Variants in RSRC1 observed in about 807,000 individuals in gnomAD.
RSRC1 encodes the protein arginine and serine rich coiled-coil 1.
In RSRC1, 39 loss-of-function variants were observed where a neutral mutation model predicts 49.1. That is an observed-to-expected ratio of 0.79 (90% CI 0.61 to 1.04). RSRC1 has a LOEUF of 1.04. RSRC1 is among the 50% of genes least tolerant of loss of function. The probability of loss-of-function intolerance (pLI) is 0.00; values close to 1 mark genes in which losing one functional copy is unlikely to be tolerated. For synonymous variants in RSRC1, 143 were observed against 130.8 expected, an observed-to-expected ratio of 1.09 and a Z score of -0.63; for missense variants, 388 against 402.4, an observed-to-expected ratio of 0.96 and a Z score of 0.31.
At chr3:158,207,897 T>C (rs1023092783) in intron 4 of RSRC1, among the ~76,000 whole-genome samples, 1 of 152,158 alleles carries the variant, frequency 6.6e-6, no homozygotes, top group African/African-American at 2.4e-5. Flanking sequence ...GAAAAACCCT[T>C]TTTAAATAAC....
intron 4 of RSRC1, among the ~76,000 whole-genome samples, chr3:158,214,813 A>G (rs1721866833): frequency 6.6e-6 from 1 of 151,792 alleles, no homozygotes; most frequent in South Asian, 2.1e-4. Context: ...AGCTCTTATA[A>G]ATTAGTTAAG....
At chr3:158,333,145 T>A (rs1729657009) in intron 5 of RSRC1, among the ~76,000 whole-genome samples, 1 of 152,150 alleles carries the variant, frequency 6.6e-6, no homozygotes, top group Non-Finnish European at 1.5e-5. Context: ...ATTTTTTGTA[T>A]TTTTAGTAGA....
At position 158,520,794 on chromosome 3, in the gene RSRC1, T is replaced by A. The variant is rs1187636639; in HGVS notation, c.653-16298T>A. ...ATAGTTTTGTGATTATTAAATGAGT[T>A]TAAGTAGACCTAGAAGTGTGTTATG... On this transcript the variant is annotated intron_variant, in intron 7 of 9. Transcript: ENST00000611884. Among the ~76,000 whole-genome samples, 3 of 152,190 alleles carry A rather than the reference T, an allele frequency of 2.0e-5. No homozygotes were observed. In the East Asian group the frequency reaches 5.8e-4, roughly 29 times the overall value.
At chr3:158,313,191 C>T (rs533755216) in intron 5 of RSRC1, among the ~76,000 whole-genome samples, 54 of 152,230 alleles carry the variant, frequency 3.5e-4, no homozygotes, top group Middle Eastern at 3.4e-3. Context: ...GATGAGCCCC[C>T]GTACTTCTCT....
At chr3:158,525,362 C>T (rs1714506) in intron 7 of RSRC1, among the ~76,000 whole-genome samples, 7,895 of 151,940 alleles carry the variant, frequency 0.052, 295 homozygotes, top group Middle Eastern at 0.082. Flanking sequence ...AAATACATTA[C>T]ACCAATTAGA....
chr3:158,456,587 G>A (rs1182212308), intron 6 of RSRC1, among the ~76,000 whole-genome samples: 10 of 152,158 alleles, frequency 6.6e-5, no homozygotes, highest in Admixed American at 6.5e-4. Flanking sequence ...GAAAAAAGAA[G>A]CAACAGTTTT....
intron 6 of RSRC1, among the ~76,000 whole-genome samples, chr3:158,358,511 G>T (rs1181512778): frequency 3.3e-5 from 5 of 152,060 alleles, no homozygotes; most frequent in African/African-American, 7.2e-5. Flanking sequence ...CTGTAACTTT[G>T]AGCAGTTTAA....
At chr3:158,360,521 C>T (rs1325905867) in intron 6 of RSRC1, among the ~76,000 whole-genome samples, 1 of 152,204 alleles carries the variant, frequency 6.6e-6, no homozygotes, top group Non-Finnish European at 1.5e-5. Context: ...GTAAGGGGCA[C>T]CTGCAGGCCA....
chr3:158,511,840 T>C (rs1284904410), intron 7 of RSRC1, among the ~76,000 whole-genome samples: 1 of 151,974 alleles, frequency 6.6e-6, no homozygotes, highest in African/African-American at 2.4e-5. Context: ...TGGTATCTCA[T>C]TGTGGTTTTG....
intron 6 of RSRC1, among the ~76,000 whole-genome samples, chr3:158,387,247 T>TA (rs1183550628): frequency 1.3e-5 from 2 of 152,134 alleles, no homozygotes; most frequent in Non-Finnish European, 2.9e-5. Context: ...CGTTTAATTA[T>TA]AAAACCTTCT....
chr3:158,391,843 A>AT (rs769053284), intron 6 of RSRC1, among the ~76,000 whole-genome samples: 19 of 152,098 alleles, frequency 1.2e-4, no homozygotes, highest in Admixed American at 4.6e-4. Context: ...CTAGTTTGAG[A>AT]TATTTTTCAC....
intron 3 of RSRC1, among the ~76,000 whole-genome samples, chr3:158,144,629 TA>T (rs1303207510): frequency 1.3e-5 from 2 of 152,342 alleles, no homozygotes; most frequent in East Asian, 3.9e-4. Context: ...GCATGATTTA[TA>T]ATCCTTTGGA....
intron 6 of RSRC1, among the ~76,000 whole-genome samples, chr3:158,406,609 G>A (rs981426501): frequency 6.4e-4 from 98 of 151,958 alleles, no homozygotes; most frequent in African/African-American, 1.9e-3. Context: ...GGATCAATAC[G>A]AAGATCTGTT....
At chr3:158,383,271 C>G (rs6767008) in intron 6 of RSRC1, among the ~76,000 whole-genome samples, 80,084 of 151,986 alleles carry the variant, frequency 0.53, 21,617 homozygotes, top group African/African-American at 0.64. Context: ...GCAGTAATTA[C>G]TTTAAGAAGA....
At chr3:158,368,043 A>G (rs199919412) in intron 6 of RSRC1, among the ~76,000 whole-genome samples, 3 of 35,366 alleles carry the variant, frequency 8.5e-5, no homozygotes, top group African/African-American at 3.2e-4. Context: ...GTTTAGTAGG[A>G]AAAAAAAAGG....
At chr3:158,448,450 A>ATACATATAAGCATGTACAAAGG (rs1195745008) in intron 6 of RSRC1, among the ~76,000 whole-genome samples, 3 of 151,922 alleles carry the variant, frequency 2.0e-5, no homozygotes, top group Admixed American at 2.0e-4. Flanking sequence ...ATGTACAAAG[A>ATACATATAAGCATGTACAAAGG]TACATATAAG....
chr3:158,319,345 A>C (rs1019377705), intron 5 of RSRC1, among the ~76,000 whole-genome samples: 1 of 151,786 alleles, frequency 6.6e-6, no homozygotes, highest in African/African-American at 2.4e-5. Context: ...CTTTCCTTTC[A>C]CCTTTTGCTA....
At chr3:158,165,326 T>C (rs1371720707) in intron 3 of RSRC1, among the ~76,000 whole-genome samples, 1 of 152,224 alleles carries the variant, frequency 6.6e-6, no homozygotes, top group Non-Finnish European at 1.5e-5. Context: ...TGCATAATTA[T>C]TTCAGGCTGT....
chr3:158,475,656 T>G (rs1738333168), intron 7 of RSRC1, among the ~76,000 whole-genome samples: 1 of 152,138 alleles, frequency 6.6e-6, no homozygotes. Context: ...TGCAACCATA[T>G]AAGACAATGA....
Sources: allele counts gnomAD v4.1 joint callset (sites outside exome capture counted in the v4.1 genomes callset), GRCh38; gene constraint gnomAD v4.1.1; transcripts MANE v1.5; gene names NCBI Gene and HGNC (gene_info 2026-07-23, HGNC 2026-07-21).